Variants in UTRN observed in about 807,000 individuals in gnomAD.
UTRN encodes the protein dystrophin-related protein 1.
Under a neutral mutation model 463.9 loss-of-function variants are expected in UTRN, and 283 were observed. The observed-to-expected ratio is 0.61, with a 90% CI of 0.55 to 0.67. The LOEUF is 0.67. Among genes scored for constraint, UTRN ranks in the 30% least tolerant of loss-of-function variants. The probability of loss-of-function intolerance (pLI) is 0.00; values close to 1 mark genes in which losing one functional copy is unlikely to be tolerated. For synonymous variants in UTRN, 1,442 were observed against 1,431.5 expected (o/e 1.01, Z -0.17); for missense variants, 3,922 against 4,084.3 (o/e 0.96, Z 1.08).
chr6:144,757,843 T>G, intron 57 of UTRN, 86 bp from the exon 58 acceptor site: 2 of 1,236,552 alleles, frequency 1.6e-6, no homozygotes, highest in Non-Finnish European at 1.1e-6. Context: ...TCATTGAATT[T>G]GCTATAAAAT....
chr6:144,402,306 G>C (rs1306031073), intron 2 of UTRN, among the ~76,000 whole-genome samples: 2 of 152,292 alleles, frequency 1.3e-5, no homozygotes, highest in East Asian at 3.9e-4. Context: ...GAAAAGCGAT[G>C]TTATAATGAC....
intron 53 of UTRN, among the ~76,000 whole-genome samples, chr6:144,724,223 T>C (rs1376399496): frequency 1.6e-4 from 11 of 69,742 alleles, no homozygotes; most frequent in African/African-American, 7.6e-4. Flanking sequence ...GATTCATAAC[T>C]TTTTTTTTTT....
At chr6:144,396,165 T>A (rs1782390338) in intron 2 of UTRN, among the ~76,000 whole-genome samples, 1 of 152,148 alleles carries the variant, frequency 6.6e-6, no homozygotes, top group Non-Finnish European at 1.5e-5. Flanking sequence ...AACTGTAGTT[T>A]ATACACACAA....
intron 39 of UTRN, among the ~76,000 whole-genome samples, chr6:144,519,271 A>T (rs1795884531): frequency 6.6e-6 from 1 of 152,188 alleles, no homozygotes; most frequent in Non-Finnish European, 1.5e-5. Context: ...GCCACAGGTG[A>T]CTATGTTTTC....
intron 2 of UTRN, among the ~76,000 whole-genome samples, chr6:144,361,888 T>G (rs1408686188): frequency 6.6e-6 from 1 of 151,898 alleles, no homozygotes; most frequent in Non-Finnish European, 1.5e-5. Context: ...ATTACAGATG[T>G]GAGACACCTC....
At chr6:144,723,523 C>T (rs749037531) in intron 53 of UTRN, among the ~76,000 whole-genome samples, 3 of 152,242 alleles carry the variant, frequency 2.0e-5, no homozygotes, top group East Asian at 3.9e-4. Flanking sequence ...CAAGAACTCA[C>T]AATTTAATGG....
chr6:144,592,659 G>A (rs1192313191), intron 51 of UTRN, among the ~76,000 whole-genome samples: 2 of 152,134 alleles, frequency 1.3e-5, no homozygotes, highest in Non-Finnish European at 2.9e-5. Context: ...GTGAGCCACC[G>A]TGCCCAGCCA....
intron 51 of UTRN, among the ~76,000 whole-genome samples, chr6:144,666,041 T>G (rs558430897): frequency 5.3e-5 from 8 of 152,324 alleles, no homozygotes; most frequent in African/African-American, 1.9e-4. Context: ...TTTTGTGCTG[T>G]TTAAAGTTCA....
intron 53 of UTRN, chr6:144,706,832 A>G (rs1030850121): frequency 1.3e-5 from 2 of 152,266 alleles, no homozygotes; most frequent in Admixed American, 6.5e-5. Context: ...ATTCTCCACT[A>G]CAATCCAGGT....
At chr6:144,468,836 T>C (rs1277379486) in intron 23 of UTRN, among the ~76,000 whole-genome samples, 1 of 152,170 alleles carries the variant, frequency 6.6e-6, no homozygotes, top group Non-Finnish European at 1.5e-5. Context: ...ACAGGAAACA[T>C]CTGCTACAGG....
chr6:144,837,889 AAG>A (rs1213748178), intron 71 of UTRN, among the ~76,000 whole-genome samples: 14 of 152,234 alleles, frequency 9.2e-5, no homozygotes, highest in African/African-American at 3.1e-4. Context: ...TTTGGAAAGT[AAG>A]AGTTTCCCAA....
intron 54 of UTRN, among the ~76,000 whole-genome samples, chr6:144,735,689 G>A (rs988643066): frequency 4.0e-5 from 6 of 151,828 alleles, no homozygotes; most frequent in Non-Finnish European, 7.4e-5. Flanking sequence ...ACTTTGCGAA[G>A]TTTATAAAAA....
intron 34 of UTRN, among the ~76,000 whole-genome samples, chr6:144,506,493 AG>A (rs2128587980): frequency 6.6e-6 from 1 of 152,286 alleles, no homozygotes; most frequent in African/African-American, 2.4e-5. Context: ...TTGTCTGTAA[AG>A]GATTTTATTT....
chr6:144,769,872 C>T (rs1333498574), intron 58 of UTRN, among the ~76,000 whole-genome samples: 1 of 152,156 alleles, frequency 6.6e-6, no homozygotes, highest in Non-Finnish European at 1.5e-5. Context: ...ACCTCCTCAG[C>T]AAATCCTTCC....
chr6:144,402,026 T>C (rs1467760418), intron 2 of UTRN, among the ~76,000 whole-genome samples: 3 of 152,168 alleles, frequency 2.0e-5, no homozygotes, highest in African/African-American at 7.2e-5. Context: ...CTGATAGAGA[T>C]TGTGAAAATG....
At chr6:144,713,675 C>T (rs1786016965) in intron 53 of UTRN, among the ~76,000 whole-genome samples, 1 of 150,304 alleles carries the variant, frequency 6.7e-6, no homozygotes, top group South Asian at 2.1e-4. Flanking sequence ...AATCCCAGCA[C>T]TTTGGGAGGC....
chr6:144,708,069 C>CTTT, intron 53 of UTRN: 5 of 169,782 alleles, frequency 2.9e-5, no homozygotes, highest in Non-Finnish European at 3.7e-5. Context: ...TGAAAATTAA[C>CTTT]TTTTTTTTTT....
intron 5 of UTRN, 147 bp from the exon 6 acceptor site, chr6:144,423,839 T>A: frequency 3.2e-6 from 3 of 933,346 alleles, no homozygotes; most frequent in South Asian, 1.5e-5. Flanking sequence ...ATTTTTGAGA[T>A]TTAAGCTTAC....
chr6:144,553,639 G>A (rs998573767), intron 48 of UTRN, among the ~76,000 whole-genome samples: 3 of 152,118 alleles, frequency 2.0e-5, no homozygotes, highest in South Asian at 2.1e-4. Flanking sequence ...GTTTCCAGCC[G>A]GGTGCGTTGG....
Sources: gnomAD v4.1 joint callset for allele counts (sites outside exome capture counted in the v4.1 genomes callset) on GRCh38, gnomAD v4.1.1 for gene constraint, MANE v1.5 for transcripts, NCBI Gene and HGNC (gene_info 2026-07-23, HGNC 2026-07-21) for gene names.